RBFOX1: variants seen among roughly 807,000 people sequenced by gnomAD.
RBFOX1 encodes the protein RNA binding protein fox-1 homolog 1.
RBFOX1 carries 8 observed loss-of-function variants against 57.7 expected under a neutral mutation model. The ratio of observed to expected loss-of-function variants is 0.14; its 90% CI spans 0.08 to 0.25. The LOEUF (loss-of-function observed/expected upper bound fraction) is 0.25. Among genes scored for constraint, RBFOX1 ranks in the 10% least tolerant of loss-of-function variants. The pLI is 1.00. For missense variants in RBFOX1, 611 were observed against 548.5 expected, an observed-to-expected ratio of 1.11 and a Z score of -1.14; for synonymous variants, 326 against 222.4, an observed-to-expected ratio of 1.47 and a Z score of -4.15.
At chr16:7,427,406 T>C (rs2098631371) in intron 4 of RBFOX1, among the ~76,000 whole-genome samples, 1 of 152,144 alleles carries the variant, frequency 6.6e-6, no homozygotes, top group Admixed American at 6.5e-5. Flanking sequence ...GAGCCCCTGC[T>C]GAAGTTGGAC....
chr16:6,978,409 C>T (rs936675014), intron 3 of RBFOX1, among the ~76,000 whole-genome samples: 3 of 152,210 alleles, frequency 2.0e-5, no homozygotes, highest in South Asian at 2.1e-4. Context: ...GCTACCTCAC[C>T]GAACACATGA....
intron 1 of RBFOX1, among the ~76,000 whole-genome samples, chr16:5,406,105 C>G (rs1404543965): frequency 6.6e-6 from 1 of 152,272 alleles, no homozygotes; most frequent in East Asian, 1.9e-4. Flanking sequence ...TCTGATTATT[C>G]TTTTATTCAT....
At position 5,469,259 on chromosome 16, in the gene RBFOX1, C is replaced by G. The variant is rs573477853; in HGVS notation, c.258+2005C>G. Among the ~76,000 whole-genome samples, 8 of 152,274 alleles carry G rather than the reference C, an allele frequency of 5.3e-5. No individual in the cohort carries two copies. The South Asian group carries it at 1.7e-3, about 32-fold the overall frequency. ...TTTGTGGGGAGTAACATCCCAGCAC[C>G]TGTGCTCATTCCCCAGCACACCCCC... On this transcript the variant is annotated intron_variant, in intron 2 of 2. Transcript: ENST00000585867.
intron 2 of RBFOX1, among the ~76,000 whole-genome samples, chr16:6,645,673 T>G (rs185435415): frequency 2.4e-4 from 36 of 152,152 alleles, no homozygotes; most frequent in African/African-American, 8.0e-4. Flanking sequence ...ACTTTAAAAA[T>G]AGACATGTTT....
At chr16:6,790,932 G>A (rs962487463) in intron 3 of RBFOX1, among the ~76,000 whole-genome samples, 1 of 151,518 alleles carries the variant, frequency 6.6e-6, no homozygotes. Context: ...TTGCAATGGG[G>A]TCTGACTGTG....
intron 4 of RBFOX1, among the ~76,000 whole-genome samples, chr16:7,134,745 G>T (rs960355502): frequency 1.3e-5 from 2 of 152,172 alleles, no homozygotes; most frequent in East Asian, 3.9e-4. Context: ...TGCTGCTGCT[G>T]TAGATGGCTT....
At chr16:6,595,235 C>G (rs968030555) in intron 2 of RBFOX1, among the ~76,000 whole-genome samples, 1 of 152,092 alleles carries the variant, frequency 6.6e-6, no homozygotes, top group Non-Finnish European at 1.5e-5. Context: ...ACCCTGTAGC[C>G]CTACACAGCC....
chr16:6,495,117 T>C (rs2095732970), intron 2 of RBFOX1, among the ~76,000 whole-genome samples: 1 of 152,024 alleles, frequency 6.6e-6, no homozygotes, highest in East Asian at 1.9e-4. Flanking sequence ...CTTTTGTTTG[T>C]TTATTTATTT....
Position 6,038,721 on chromosome 16 carries a change from T to C in RBFOX1, c.-127+18729T>C, listed in dbSNP as rs371065593. On this transcript the variant is annotated intron_variant, in intron 1 of 15. Transcript: ENST00000550418. Reference sequence around the variant, plus strand: ...TCATTAAAATGAAACTGTATTTGATTGCTTTAGAGCTTTGATTTTTTTTTT... The same window carrying C: ...TCATTAAAATGAAACTGTATTTGATCGCTTTAGAGCTTTGATTTTTTTTTT... 13 of 149,012 alleles carry C rather than the reference T, an allele frequency of 8.7e-5. No homozygotes were observed. The East Asian group carries it at 2.4e-3, about 28-fold the overall frequency. 9.2% of individuals were successfully genotyped at this position (149,012 alleles called of 1,614,324 possible). A position where few individuals can be genotyped will look rare whatever the true frequency, so the allele number is the denominator to read the frequency against.
chr16:7,703,364 T>C (rs1038270795), intron 14 of RBFOX1, among the ~76,000 whole-genome samples: 5 of 152,186 alleles, frequency 3.3e-5, no homozygotes, highest in Non-Finnish European at 5.9e-5. Context: ...TTTGGCTGTT[T>C]AGGATGTCTT....
chr16:6,415,242 CAAAAAAAAAAAAAA>C, intron 2 of RBFOX1, among the ~76,000 whole-genome samples: 1 of 102,076 alleles, frequency 9.8e-6, no homozygotes, highest in South Asian at 3.3e-4. Context: ...AACTCTGTCA[CAAAAAAAAAAAAAA>C]AAAAAAAAAA....
At chr16:7,589,063 G>A (rs190053905) in intron 7 of RBFOX1, among the ~76,000 whole-genome samples, 8 of 152,068 alleles carry the variant, frequency 5.3e-5, no homozygotes, top group Non-Finnish European at 1.0e-4. Context: ...AAGTTATTAC[G>A]GGGACTATTG....
At chr16:7,359,398 T>G (rs1044286892) in intron 4 of RBFOX1, among the ~76,000 whole-genome samples, 4 of 151,994 alleles carry the variant, frequency 2.6e-5, no homozygotes, top group African/African-American at 4.8e-5. Context: ...CTCTGTGTGT[T>G]TGTGTGCACA....
intron 2 of RBFOX1, among the ~76,000 whole-genome samples, chr16:5,586,923 A>G (rs1241757033): frequency 6.6e-6 from 1 of 152,232 alleles, no homozygotes; most frequent in Non-Finnish European, 1.5e-5. Context: ...GCAGGCACTT[A>G]GCAGGTTCTT....
In RBFOX1 at chr16:7,517,659, T is replaced by C. The variant is rs561842511; in HGVS notation, c.28-488T>C. On this transcript the variant is annotated intron_variant, in intron 4 of 15. Coordinates refer to ENST00000550418, the MANE Select transcript of RBFOX1 (RefSeq NM_018723.4). ...ATGTGAGCCAAGTCACATAAAACTT[T>C]GATTAAATTCAAATGCTTACATAAA... 3.9e-5 allele frequency among the ~76,000 whole-genome samples: 6 copies of C among 152,188 alleles called. No homozygotes were observed. The East Asian group carries it at 7.8e-4, about 20-fold the overall frequency.
intron 3 of RBFOX1, among the ~76,000 whole-genome samples, chr16:5,759,190 G>A (rs1354835044): frequency 6.6e-6 from 1 of 152,134 alleles, no homozygotes; most frequent in East Asian, 1.9e-4. Flanking sequence ...ATCCACGAAG[G>A]CAAGGTTCAG....
chr16:6,471,600 T>C (rs1402651988), intron 2 of RBFOX1, among the ~76,000 whole-genome samples: 4 of 149,702 alleles, frequency 2.7e-5, no homozygotes, highest in Admixed American at 2.7e-4. Flanking sequence ...AAAAAACCTC[T>C]AGTGGCAGAG....
chr16:7,057,098 T>G (rs2052565543), intron 4 of RBFOX1, among the ~76,000 whole-genome samples: 1 of 150,642 alleles, frequency 6.6e-6, no homozygotes, highest in African/African-American at 2.4e-5. Context: ...TTATTCCCAA[T>G]AATTATTTCA....
At chr16:6,954,473 T>C (rs2081361254) in intron 3 of RBFOX1, among the ~76,000 whole-genome samples, 1 of 152,186 alleles carries the variant, frequency 6.6e-6, no homozygotes, top group Admixed American at 6.6e-5. Context: ...AAACTCAGTT[T>C]AAAACGTAAT....
Sources: allele counts gnomAD v4.1 joint callset (sites outside exome capture counted in the v4.1 genomes callset), GRCh38; gene constraint gnomAD v4.1.1; transcripts MANE v1.5; gene names NCBI Gene and HGNC (gene_info 2026-07-23, HGNC 2026-07-21).